The following COTL1 variants were observed in gnomAD, a reference collection of about 807,000 sequenced individuals.
The protein encoded by COTL1 is coactosin-like protein.
COTL1 carries 15 observed loss-of-function variants against 16.5 expected under a neutral mutation model. The ratio of observed to expected loss-of-function variants is 0.91; its 90% confidence interval spans 0.61 to 1.40. COTL1 has a LOEUF of 1.40. COTL1 is among the 40% of genes most tolerant of loss of function. The pLI, the probability that COTL1 is intolerant of heterozygous loss-of-function variation, is 0.00. For synonymous variants in COTL1, 112 were observed against 85.3 expected (o/e 1.31, Z -1.73); for missense variants, 220 against 201.5 (o/e 1.09, Z -0.56).
chr16:84,597,828 C>A (rs1905036969), intron 2 of COTL1, among the ~76,000 whole-genome samples: 1 of 152,158 alleles, frequency 6.6e-6, no homozygotes, highest in Admixed American at 6.6e-5. Flanking sequence ...CATCAAAGAC[C>A]ACCAGGACAG....
chr16:84,603,559 G>A (rs1905145358), intron 2 of COTL1, among the ~76,000 whole-genome samples: 2 of 151,526 alleles, frequency 1.3e-5, no homozygotes, highest in Non-Finnish European at 2.9e-5. Flanking sequence ...TGGGAATCGG[G>A]CCTGGCACAC....
In COTL1 at chr16:84,590,008, AG is replaced by A; in HGVS notation, c.318+96del. On this transcript the variant is annotated intron_variant, in intron 3 of 3. Transcript: ENST00000262428. This position sits in a 1 kb window ranked among gnomAD's most constrained non-coding sequence, Gnocchi z 5.5. Reference sequence around the variant, plus strand: ...CATGGCTTGTCCCAAGTCACAGCTAAGCTACAGACCCAGGAGTCGAACCCAG... The same window carrying A: ...CATGGCTTGTCCCAAGTCACAGCTAACTACAGACCCAGGAGTCGAACCCAG... 3.2e-6 allele frequency: 4 copies of A among 1,250,324 alleles called. No individual in the cohort carries two copies. The highest frequency in any genetic ancestry group is 4.5e-6 in the Non-Finnish European group (4 of 892,050). 77.5% of individuals were successfully genotyped at this position (1,250,324 alleles called of 1,614,324 possible). A position where few individuals can be genotyped will look rare whatever the true frequency, so the allele number is the denominator to read the frequency against.
At position 84,601,480 on chromosome 16, in the gene COTL1, C is replaced by T. The variant is rs139063592; in HGVS notation, c.161-11218G>A. ...GTCTTTTTCTTTTATCCCCCCGAGACGGAGTCTTGCTCTGTCACCCAGGCT... is the reference window on the plus strand; with the variant it reads ...GTCTTTTTCTTTTATCCCCCCGAGATGGAGTCTTGCTCTGTCACCCAGGCT... On this transcript the variant is annotated intron_variant, in intron 2 of 3. Transcript: ENST00000262428. Among the ~76,000 whole-genome samples, 655 of 152,186 alleles carry T rather than the reference C, an allele frequency of 4.3e-3. 6 individuals carry two copies. Among genetic ancestry groups the T allele is most frequent in the African/African-American group, 0.015 (613 of 41,522 alleles).
intron 2 of COTL1, among the ~76,000 whole-genome samples, chr16:84,613,666 T>C (rs527878229): frequency 6.6e-6 from 1 of 152,036 alleles, no homozygotes; most frequent in East Asian, 1.9e-4. Flanking sequence ...GAGGACAGAG[T>C]GGATACCAGA....
At chr16:84,580,567 G>C (rs1904565431) in intron 3 of COTL1, among the ~76,000 whole-genome samples, 1 of 152,150 alleles carries the variant, frequency 6.6e-6, no homozygotes, top group African/African-American at 2.4e-5. Flanking sequence ...TCGCTTTTGA[G>C]TTTCAGATCT....
chr16:84,575,213 T>C (rs35796753), intron 3 of COTL1: 11 of 151,842 alleles, frequency 7.2e-5, no homozygotes, highest in African/African-American at 2.7e-4. Context: ...AACTTTTGTA[T>C]TTTTAGTAGA....
At chr16:84,609,989 G>A (rs1014976932) in intron 2 of COTL1, among the ~76,000 whole-genome samples, 1 of 152,176 alleles carries the variant, frequency 6.6e-6, no homozygotes, top group Non-Finnish European at 1.5e-5. Flanking sequence ...CCTACTGCGT[G>A]GTCCCATTTA....
intron 3 of COTL1, among the ~76,000 whole-genome samples, chr16:84,570,060 G>T (rs955018880): frequency 2.0e-5 from 3 of 152,148 alleles, no homozygotes; most frequent in Non-Finnish European, 4.4e-5. Context: ...AGCAGATCAT[G>T]AGGTCAGGAG....
intron 3 of COTL1, among the ~76,000 whole-genome samples, chr16:84,585,980 C>T (rs1904722222): frequency 6.6e-6 from 1 of 152,184 alleles, no homozygotes; most frequent in Admixed American, 6.6e-5. Flanking sequence ...GCTGGAGCTG[C>T]CAATCATGAA....
chr16:84,586,075 G>A (rs1180270092), intron 3 of COTL1, among the ~76,000 whole-genome samples: 2 of 152,206 alleles, frequency 1.3e-5, no homozygotes, highest in Non-Finnish European at 2.9e-5. Flanking sequence ...GGACACTGAG[G>A]AAAGAGGCCT....
At chr16:84,608,355 T>C (rs566484293) in intron 2 of COTL1, among the ~76,000 whole-genome samples, 1 of 152,340 alleles carries the variant, frequency 6.6e-6, no homozygotes, top group South Asian at 2.1e-4. Context: ...ACCAGGAAGA[T>C]ACACATCTAT....
chr16:84,567,543 AC>A (rs1800315832), intron 3 of COTL1: 1 of 152,486 alleles, frequency 6.6e-6, no homozygotes, highest in African/African-American at 2.4e-5. Context: ...AGCTTCAGCC[AC>A]CAATGTTCCT....
chr16:84,572,076 C>T (rs544888894), intron 3 of COTL1, among the ~76,000 whole-genome samples: 3 of 152,272 alleles, frequency 2.0e-5, no homozygotes, highest in African/African-American at 7.2e-5. Flanking sequence ...TCCACCTCCA[C>T]GCCTTCCAGC....
chr16:84,568,378 T>C (rs137982801), intron 3 of COTL1: 2 of 152,248 alleles, frequency 1.3e-5, no homozygotes, highest in Non-Finnish European at 2.9e-5. Flanking sequence ...ATATGAATCA[T>C]GGAAGGTGGA....
intron 3 of COTL1, among the ~76,000 whole-genome samples, chr16:84,578,156 T>C (rs1161026522): frequency 6.6e-6 from 1 of 152,180 alleles, no homozygotes; most frequent in Non-Finnish European, 1.5e-5. Context: ...CCCAAGCTTA[T>C]TGATCAGTTG....
At chr16:84,581,216 G>A (rs887700702) in intron 3 of COTL1, among the ~76,000 whole-genome samples, 9 of 114,232 alleles carry the variant, frequency 7.9e-5, no homozygotes, top group African/African-American at 2.2e-4. Context: ...AAGTGCCCCC[G>A]GCCTGAGCCC....
rs1904297927 is a variant in COTL1 at position 84,566,287 on chromosome 16, G to C, written c.*558C>G. ...GCAACTCCGGATGGAGGTGGGATGA[G>C]GGAGCCCGGGGCAGATACCAGGAGG... is the stretch of plus-strand genomic sequence containing the variant. On this transcript the variant is annotated 3_prime_UTR_variant, in exon 4 of 4. Coordinates refer to ENST00000262428, the MANE Select transcript of COTL1 (RefSeq NM_021149.5). 6.5e-6 allele frequency: 1 copy of C among 152,832 alleles called. No homozygotes were observed. The highest frequency in any genetic ancestry group is 1.5e-5 in the Non-Finnish European group (1 of 68,266). 9.5% of individuals were successfully genotyped at this position (152,832 alleles called of 1,614,324 possible). A position where few individuals can be genotyped will look rare whatever the true frequency, so the allele number is the denominator to read the frequency against.
At chr16:84,607,782 G>A (rs1905243408) in intron 2 of COTL1, among the ~76,000 whole-genome samples, 2 of 152,164 alleles carry the variant, frequency 1.3e-5, no homozygotes, top group African/African-American at 4.8e-5. Flanking sequence ...AAGCTCACTG[G>A]GGTCAGGGAA....
chr16:84,601,472 C>T (rs914384021), intron 2 of COTL1, among the ~76,000 whole-genome samples: 11 of 152,104 alleles, frequency 7.2e-5, no homozygotes, highest in African/African-American at 2.7e-4. Context: ...TCTTTTATCC[C>T]CCCGAGACGG....
Sources: allele counts gnomAD v4.1 joint callset (sites outside exome capture counted in the v4.1 genomes callset), GRCh38; gene constraint gnomAD v4.1.1; non-coding constraint Gnocchi (gnomAD v3.1); transcripts MANE v1.5; gene names NCBI Gene and HGNC (gene_info 2026-07-23, HGNC 2026-07-21).